Variants in CHST8 observed in about 807,000 individuals in gnomAD.
CHST8 encodes the protein carbohydrate sulfotransferase 8, also known as GALNAC-4-ST1.
Under a neutral mutation model 15.0 loss-of-function variants are expected in CHST8, and 10 were observed. That is an observed-to-expected ratio of 0.67 (90% CI 0.41 to 1.13). The LOEUF is 1.13. Ranked by LOEUF, CHST8 falls within the 50% of genes most tolerant of loss-of-function variation. The pLI is 0.00. For synonymous variants in CHST8, 259 were observed against 256.6 expected (o/e 1.01, Z -0.09); for missense variants, 634 against 608.2 (o/e 1.04, Z -0.45).
intron 1 of CHST8, among the ~76,000 whole-genome samples, chr19:33,629,045 G>A (rs535914236): frequency 2.2e-4 from 34 of 152,240 alleles, no homozygotes; most frequent in Admixed American, 5.9e-4. Context: ...GCCCTAGCAC[G>A]TCCAGGGCAC....
intron 1 of CHST8, among the ~76,000 whole-genome samples, chr19:33,638,863 CAAGT>C (rs1972241038): frequency 1.3e-5 from 2 of 152,172 alleles, no homozygotes; most frequent in East Asian, 3.9e-4. Flanking sequence ...GATTGCTCCC[CAAGT>C]GAGTGCTCCC....
intron 3 of CHST8, among the ~76,000 whole-genome samples, chr19:33,711,913 G>A (rs1195297935): frequency 1.3e-5 from 2 of 152,176 alleles, no homozygotes; most frequent in East Asian, 1.9e-4. Flanking sequence ...GATTACAGAT[G>A]TGAGCCACCA....
At chr19:33,688,263 T>A (rs956474033) in intron 2 of CHST8, among the ~76,000 whole-genome samples, 18 of 152,354 alleles carry the variant, frequency 1.2e-4, no homozygotes, top group Non-Finnish European at 2.4e-4. Flanking sequence ...CCTGGCCCTG[T>A]TGGCGTGACT....
intron 3 of CHST8, among the ~76,000 whole-genome samples, chr19:33,734,288 G>A (rs1269452420): frequency 1.3e-5 from 2 of 152,248 alleles, no homozygotes. Context: ...ATAAAGGAGA[G>A]GCATGAATAA....
chr19:33,699,355 C>T (rs1469602808), intron 3 of CHST8, among the ~76,000 whole-genome samples: 3 of 152,154 alleles, frequency 2.0e-5, no homozygotes, highest in Non-Finnish European at 4.4e-5. Context: ...AATCTGGGGG[C>T]AGTGGAGGGG....
chr19:33,689,325 G>T lies in CHST8; in HGVS notation c.64G>T (p.Ala22Ser). 1 of 1,609,708 alleles carries T rather than the reference G, an allele frequency of 6.2e-7. No homozygotes were observed. The highest frequency in any genetic ancestry group is 8.5e-7 in the Non-Finnish European group (1 of 1,178,722). ...CMFSSILLFGAAGLLLFISLQ... is the reference protein window; with the variant it reads ...CMFSSILLFGSAGLLLFISLQ... ...GTTCTCTTCCATCCTGCTGTTCGGAGCTGCAGGCCTCCTCCTCTTCATCAG... is the reference window on the plus strand; with the variant it reads ...GTTCTCTTCCATCCTGCTGTTCGGATCTGCAGGCCTCCTCCTCTTCATCAG... Residue 22 changes from alanine to serine, a missense_variant, in exon 3 of 5, where the codon GCT becomes TCT. Transcript: ENST00000650847.
intron 1 of CHST8, among the ~76,000 whole-genome samples, chr19:33,659,806 G>A (rs1421763298): frequency 4.0e-5 from 6 of 151,658 alleles, no homozygotes; most frequent in Admixed American, 3.3e-4. Flanking sequence ...GCAAGACCCT[G>A]TTTAAAAAAA....
At chr19:33,627,332 G>C (rs1199188751) in intron 1 of CHST8, among the ~76,000 whole-genome samples, 1 of 151,194 alleles carries the variant, frequency 6.6e-6, no homozygotes, top group Non-Finnish European at 1.5e-5. Context: ...GGCTGGTCTC[G>C]AACTCCTGAC....
chr19:33,725,854 G>A (rs937739035), intron 3 of CHST8, among the ~76,000 whole-genome samples: 4 of 152,200 alleles, frequency 2.6e-5, no homozygotes, highest in African/African-American at 4.8e-5. Flanking sequence ...GACCTGGGCC[G>A]GAGCCTGGCC....
At chr19:33,762,613 G>A (rs1974757652) in intron 3 of CHST8, among the ~76,000 whole-genome samples, 1 of 152,260 alleles carries the variant, frequency 6.6e-6, no homozygotes, top group East Asian at 1.9e-4. Context: ...TGCGCTGCGG[G>A]AGATTCAGCC....
At chr19:33,768,236 G>A (rs1337036954) in intron 3 of CHST8, among the ~76,000 whole-genome samples, 1 of 152,130 alleles carries the variant, frequency 6.6e-6, no homozygotes, top group Non-Finnish European at 1.5e-5. Context: ...ACGGCAAAGG[G>A]GAGGTCCCTT....
chr19:33,751,067 G>GC (rs1974409027), intron 3 of CHST8, among the ~76,000 whole-genome samples: 1 of 152,222 alleles, frequency 6.6e-6, no homozygotes, highest in African/African-American at 2.4e-5. Context: ...TCTTGCAACA[G>GC]ATGCTGTTGC....
At chr19:33,700,725 G>A (rs1973316026) in intron 3 of CHST8, among the ~76,000 whole-genome samples, 1 of 152,210 alleles carries the variant, frequency 6.6e-6, no homozygotes, top group African/African-American at 2.4e-5. Context: ...ACAATTGGAG[G>A]TGGGGAGGGG....
At chr19:33,760,682 A>G (rs1327335023) in intron 3 of CHST8, among the ~76,000 whole-genome samples, 1 of 151,998 alleles carries the variant, frequency 6.6e-6, no homozygotes, top group Non-Finnish European at 1.5e-5. Flanking sequence ...CCTTGCTTTC[A>G]TGGTGGAAGG....
intron 3 of CHST8, among the ~76,000 whole-genome samples, chr19:33,748,245 G>A (rs1222424711): frequency 1.3e-5 from 2 of 152,216 alleles, no homozygotes; most frequent in Admixed American, 6.5e-5. Flanking sequence ...GTGAGCTCAG[G>A]GACCCTCCAC....
intron 3 of CHST8, among the ~76,000 whole-genome samples, chr19:33,696,842 G>T (rs192080100): frequency 7.0e-6 from 1 of 141,992 alleles, no homozygotes. Flanking sequence ...TGTTTTTTAA[G>T]TTTTTTTTTT....
chr19:33,689,455 C>G, intron 3 of CHST8, 64 bp downstream of exon 3: 1 of 1,466,324 alleles, frequency 6.8e-7, no homozygotes, highest in South Asian at 1.4e-5. Flanking sequence ...GCTCAGGCCT[C>G]CACAGCTGCC....
At chr19:33,661,532 C>T (rs532982737) in intron 1 of CHST8, among the ~76,000 whole-genome samples, 1 of 152,184 alleles carries the variant, frequency 6.6e-6, no homozygotes, top group African/African-American at 2.4e-5. Flanking sequence ...GTCCATCGAG[C>T]CCTTTGCACG....
intron 1 of CHST8, among the ~76,000 whole-genome samples, chr19:33,637,322 C>G (rs1972217540): frequency 6.6e-6 from 1 of 152,104 alleles, no homozygotes; most frequent in African/African-American, 2.4e-5. Flanking sequence ...AGCCCCTATT[C>G]AAGATGGAGT....
Sources: gnomAD v4.1 joint callset for allele counts (sites outside exome capture counted in the v4.1 genomes callset) on GRCh38, gnomAD v4.1.1 for gene constraint, MANE v1.5 for transcripts, NCBI Gene and HGNC (gene_info 2026-07-23, HGNC 2026-07-21) for gene names.